The following NBEA variants were observed in gnomAD, a reference collection of about 807,000 sequenced individuals.
NBEA encodes the protein lysosomal-trafficking regulator 2.
NBEA carries 44 observed loss-of-function variants against 343.4 expected under a neutral mutation model. The ratio of observed to expected loss-of-function variants is 0.13; its 90% CI spans 0.10 to 0.16. The LOEUF (loss-of-function observed/expected upper bound fraction) is 0.16. Among genes scored for constraint, NBEA ranks in the 10% least tolerant of loss-of-function variants. The pLI is 1.00. For synonymous variants in NBEA, 1,175 were observed against 1,238.7 expected, an observed-to-expected ratio of 0.95 and a Z score of 1.08; for missense variants, 2,555 against 3,631.3, an observed-to-expected ratio of 0.70 and a Z score of 7.62.
intron 39 of NBEA, among the ~76,000 whole-genome samples, chr13:35,451,699 AGT>A (rs2046320540): frequency 1.3e-5 from 2 of 152,216 alleles, no homozygotes; most frequent in African/African-American, 4.8e-5. Context: ...TATGTAAAAT[AGT>A]GTGATTTTAA....
chr13:34,969,698 C>A (rs1283001539), intron 1 of NBEA, among the ~76,000 whole-genome samples: 1 of 151,692 alleles, frequency 6.6e-6, no homozygotes. Context: ...CCAGCTCCAT[C>A]TATGTGTCTG....
At chr13:35,670,851 C>T (rs1477779373) in intron 58 of NBEA, 50 bp from the exon 59 acceptor site, 1 of 1,299,218 alleles carries the variant, frequency 7.7e-7, no homozygotes, top group Non-Finnish European at 1.1e-6. Flanking sequence ...AAAATAGCAA[C>T]CACAGAAATG....
intron 41 of NBEA, chr13:35,475,415 G>T (rs1459430492): frequency 1.2e-6 from 2 of 1,613,622 alleles, no homozygotes; most frequent in Non-Finnish European, 1.7e-6. Flanking sequence ...CCCCCCATCT[G>T]CAGTCTGTTC....
chr13:35,276,312 G>A (rs1453662907), intron 34 of NBEA, among the ~76,000 whole-genome samples: 1 of 152,002 alleles, frequency 6.6e-6, no homozygotes, highest in Non-Finnish European at 1.5e-5. Context: ...AAAAAAAAGA[G>A]GCTATGTTTA....
intron 38 of NBEA, among the ~76,000 whole-genome samples, chr13:35,365,983 G>A (rs1476850803): frequency 6.6e-6 from 1 of 151,650 alleles, no homozygotes; most frequent in African/African-American, 2.4e-5. Flanking sequence ...TGCCTGTGTA[G>A]TTGGAAAGTG....
chr13:35,230,223 C>T (rs975017532), intron 33 of NBEA, among the ~76,000 whole-genome samples: 2 of 151,956 alleles, frequency 1.3e-5, no homozygotes, highest in East Asian at 1.9e-4. Flanking sequence ...TACATACTTA[C>T]AGAAGTAATC....
chr13:35,367,285 A>C (rs2041175080), intron 38 of NBEA, among the ~76,000 whole-genome samples: 1 of 151,462 alleles, frequency 6.6e-6, no homozygotes, highest in Non-Finnish European at 1.5e-5. Context: ...TATGATGTAT[A>C]AGTCCGCAGA....
intron 41 of NBEA, among the ~76,000 whole-genome samples, chr13:35,484,270 GTGTGTA>G (rs56024431): frequency 0.12 from 15,082 of 121,662 alleles, 984 homozygotes; most frequent in Non-Finnish European, 0.16. Context: ...GTGTGTGTGT[GTGTGTA>G]TATATATATA....
chr13:35,098,821 C>G (rs766676814), intron 11 of NBEA, among the ~76,000 whole-genome samples: 1 of 151,966 alleles, frequency 6.6e-6, no homozygotes, highest in Non-Finnish European at 1.5e-5. Flanking sequence ...CTCATGCTGT[C>G]CCTCTTCATC....
At chr13:35,128,245 A>C (rs1566330720) in intron 17 of NBEA, among the ~76,000 whole-genome samples, 1 of 152,150 alleles carries the variant, frequency 6.6e-6, no homozygotes, top group Non-Finnish European at 1.5e-5. Flanking sequence ...TAATAAAAAA[A>C]AAAAGCAGAA....
At position 34,991,524 on chromosome 13, in the gene NBEA, G is replaced by A. The variant is rs148029900; in HGVS notation, c.294+48410G>A. Among the ~76,000 whole-genome samples the A allele has an allele frequency of 7.9e-5, 12 of 152,198 alleles. No homozygotes were observed. In the East Asian group the frequency reaches 1.7e-3, roughly 22 times the overall value. On this transcript the variant is annotated intron_variant, in intron 1 of 58. Coordinates refer to ENST00000379939, the MANE Select transcript of NBEA (RefSeq NM_001385012.1). Reference sequence around the variant, plus strand: ...GAACTCACCCATTATCACAAGAACAGCCAAGGGGAAGTCCACTCCTATGAC... The same window carrying A: ...GAACTCACCCATTATCACAAGAACAACCAAGGGGAAGTCCACTCCTATGAC...
At chr13:35,315,821 C>A (rs745812469) in intron 36 of NBEA, among the ~76,000 whole-genome samples, 19 of 151,948 alleles carry the variant, frequency 1.3e-4, no homozygotes, top group Non-Finnish European at 2.8e-4. Context: ...TGAATGTATT[C>A]TTTAATTTAA....
chr13:35,594,626 C>T (rs754206350), intron 47 of NBEA, among the ~76,000 whole-genome samples: 7 of 152,018 alleles, frequency 4.6e-5, no homozygotes, highest in African/African-American at 1.7e-4. Context: ...GAGACTTAAA[C>T]TCTAAAATAT....
At chr13:35,058,886 A>C (rs1399038121) in intron 8 of NBEA, 23 bp downstream of exon 8, 12 of 1,553,208 alleles carry the variant, frequency 7.7e-6, no homozygotes. Flanking sequence ...GTAATTTTAT[A>C]AATTCTATGG....
intron 16 of NBEA, among the ~76,000 whole-genome samples, chr13:35,123,098 C>T (rs1471382584): frequency 2.0e-5 from 3 of 152,060 alleles, no homozygotes; most frequent in African/African-American, 7.2e-5. Context: ...TCCAGACTAG[C>T]CTGGTCAATT....
At chr13:34,974,819 A>G (rs555167336) in intron 1 of NBEA, among the ~76,000 whole-genome samples, 4 of 152,216 alleles carry the variant, frequency 2.6e-5, no homozygotes, top group African/African-American at 7.2e-5. Context: ...GACTACAGCA[A>G]TATTCTACCA....
At chr13:35,348,823 A>G (rs2040020914) in intron 36 of NBEA, among the ~76,000 whole-genome samples, 1 of 152,060 alleles carries the variant, frequency 6.6e-6, no homozygotes, top group Admixed American at 6.6e-5. Flanking sequence ...CCATTTGAAA[A>G]CACTCCAACC....
intron 34 of NBEA, among the ~76,000 whole-genome samples, chr13:35,237,044 G>A (rs534765727): frequency 6.6e-6 from 1 of 152,058 alleles, no homozygotes; most frequent in African/African-American, 2.4e-5. Context: ...TATTGCTTGA[G>A]GCCAGGAGTT....
chr13:35,550,681 T>C, intron 42 of NBEA, 87 bp downstream of exon 42: 1 of 834,588 alleles, frequency 1.2e-6, no homozygotes, highest in Middle Eastern at 2.3e-4. Context: ...TGATTTTTCC[T>C]ACTGTATTTC....
Sources: allele counts gnomAD v4.1 joint callset (sites outside exome capture counted in the v4.1 genomes callset), GRCh38; gene constraint gnomAD v4.1.1; transcripts MANE v1.5; gene names NCBI Gene and HGNC (gene_info 2026-07-23, HGNC 2026-07-21).